THSD7A: variants seen among roughly 807,000 people sequenced by gnomAD.
The protein encoded by THSD7A is thrombospondin type 1 domain containing 7A.
A neutral mutation model predicts 231.3 loss-of-function variants in THSD7A; 96 were observed. The observed-to-expected ratio is 0.41, with a 90% CI of 0.35 to 0.49. The LOEUF (loss-of-function observed/expected upper bound fraction) is 0.49, where lower values mean the gene tolerates loss of function less well. THSD7A is among the 20% of genes least tolerant of loss of function. The pLI is 0.05. For missense variants in THSD7A, 2,290 were observed against 2,070.2 expected (o/e 1.11, Z -2.06); for synonymous variants, 940 against 743.3 (o/e 1.26, Z -4.30).
At chr7:11,744,026 T>C (rs972281242) in intron 1 of THSD7A, among the ~76,000 whole-genome samples, 1 of 151,928 alleles carries the variant, frequency 6.6e-6, no homozygotes, top group Non-Finnish European at 1.5e-5. Flanking sequence ...AGTCTTCTGA[T>C]GCCATATAGC....
At chr7:11,397,910 G>C (rs1018993936) in intron 23 of THSD7A, among the ~76,000 whole-genome samples, 7 of 152,214 alleles carry the variant, frequency 4.6e-5, no homozygotes, top group African/African-American at 1.7e-4. Flanking sequence ...ATGGATGCTA[G>C]AGAGGATGTG....
intron 6 of THSD7A, among the ~76,000 whole-genome samples, chr7:11,516,786 G>C (rs992968567): frequency 6.6e-6 from 1 of 152,042 alleles, no homozygotes; most frequent in African/African-American, 2.4e-5. Flanking sequence ...TTCATAGGAG[G>C]CACCAGGTGT....
chr7:11,694,868 A>G (rs749359288), intron 1 of THSD7A, among the ~76,000 whole-genome samples: 4 of 151,582 alleles, frequency 2.6e-5, no homozygotes, highest in African/African-American at 4.8e-5. Flanking sequence ...TATAATTTGG[A>G]AGACAATTCC....
chr7:11,641,790 C>T (rs1782091613), intron 1 of THSD7A, among the ~76,000 whole-genome samples: 1 of 150,550 alleles, frequency 6.6e-6, no homozygotes, highest in Non-Finnish European at 1.5e-5. Context: ...AATAAATAAA[C>T]CCATCGTCCA....
At chr7:11,790,743 G>A (rs1484246900) in intron 1 of THSD7A, among the ~76,000 whole-genome samples, 1 of 151,930 alleles carries the variant, frequency 6.6e-6, no homozygotes, top group East Asian at 1.9e-4. Context: ...CTATGTAAAT[G>A]CCACACATAA....
chr7:11,505,857 G>A (rs184210227), intron 6 of THSD7A, among the ~76,000 whole-genome samples: 1 of 152,218 alleles, frequency 6.6e-6, no homozygotes, highest in African/African-American at 2.4e-5. Context: ...TAACTATGGG[G>A]CTCATTATCT....
intron 1 of THSD7A, among the ~76,000 whole-genome samples, chr7:11,646,727 C>T (rs1233907571): frequency 1.3e-5 from 2 of 152,006 alleles, no homozygotes; most frequent in African/African-American, 4.8e-5. Context: ...TCACAATTTT[C>T]ACTCTATCTC....
In THSD7A at chr7:11,647,284, T is replaced by C. The variant is rs148361599; in HGVS notation, c.191-10323A>G. Among the ~76,000 whole-genome samples the C allele has an allele frequency of 5.3e-3, 812 of 152,096 alleles. 5 individuals are homozygous for C. The highest frequency in any genetic ancestry group is 0.01 in the Middle Eastern group (3 of 294). ...TCCAATTCAGCAGAGTTTAAGATTGTAGGTATGGACAGCACAAATTCCTGA... is the reference window on the plus strand; with the variant it reads ...TCCAATTCAGCAGAGTTTAAGATTGCAGGTATGGACAGCACAAATTCCTGA... On this transcript the variant is annotated intron_variant, in intron 1 of 27. Coordinates refer to ENST00000423059, the MANE Select transcript of THSD7A (RefSeq NM_015204.3).
chr7:11,558,363 A>G (rs1251638054), intron 4 of THSD7A, among the ~76,000 whole-genome samples: 1 of 152,174 alleles, frequency 6.6e-6, no homozygotes, highest in Non-Finnish European at 1.5e-5. Flanking sequence ...GCCTTTTATT[A>G]TACAACTGGG....
chr7:11,661,014 A>G (rs1252238499), intron 1 of THSD7A, among the ~76,000 whole-genome samples: 6 of 151,440 alleles, frequency 4.0e-5, no homozygotes, highest in African/African-American at 1.5e-4. Context: ...CAATTATTAA[A>G]CTATGGCCAA....
intron 1 of THSD7A, among the ~76,000 whole-genome samples, chr7:11,802,268 T>C (rs532310535): frequency 2.0e-5 from 3 of 152,320 alleles, no homozygotes; most frequent in African/African-American, 7.2e-5. Context: ...GAATTTCATA[T>C]ACATGCATAT....
chr7:11,673,089 G>A (rs1422487841), intron 1 of THSD7A, among the ~76,000 whole-genome samples: 1 of 152,152 alleles, frequency 6.6e-6, no homozygotes, highest in African/African-American at 2.4e-5. Context: ...AGAAAACACA[G>A]AGGATTAATA....
rs111758872 is a variant in THSD7A, at chr7:11,816,646, C to T, written c.190+15111G>A. 5.0e-3 allele frequency among the ~76,000 whole-genome samples: 756 copies of T among 152,134 alleles called. 8 individuals carry two copies. Among genetic ancestry groups the T allele is most frequent in the African/African-American group, 0.017 (717 of 41,500 alleles). ...AGTAATGCAAGGACTTTTATAATAG[C>T]TTTTATGAGTGGGTTATTGAGGAAC... On this transcript the variant is annotated intron_variant, in intron 1 of 27. Transcript: ENST00000423059.
At chr7:11,603,772 G>A (rs567148530) in intron 2 of THSD7A, among the ~76,000 whole-genome samples, 2,286 of 150,082 alleles carry the variant, frequency 0.015, 54 homozygotes, top group African/African-American at 0.052. Flanking sequence ...GTAAACTATC[G>A]CAAGAACAAA....
At chr7:11,674,492 C>G (rs971914180) in intron 1 of THSD7A, among the ~76,000 whole-genome samples, 1 of 152,100 alleles carries the variant, frequency 6.6e-6, no homozygotes, top group South Asian at 2.1e-4. Context: ...TAGAATTCAT[C>G]CTGAATTACA....
intron 1 of THSD7A, among the ~76,000 whole-genome samples, chr7:11,659,320 A>G (rs930811282): frequency 1.1e-4 from 16 of 151,544 alleles, no homozygotes; most frequent in Non-Finnish European, 1.9e-4. Context: ...AATCTTTTCA[A>G]CATGCAAATT....
At chr7:11,674,748 A>G (rs1783566239) in intron 1 of THSD7A, among the ~76,000 whole-genome samples, 1 of 152,170 alleles carries the variant, frequency 6.6e-6, no homozygotes, top group Admixed American at 6.5e-5. Context: ...CAGCTATACA[A>G]AAATCCAGAG....
At chr7:11,512,135 G>A (rs1025876743) in intron 6 of THSD7A, among the ~76,000 whole-genome samples, 2 of 152,168 alleles carry the variant, frequency 1.3e-5, no homozygotes, top group African/African-American at 4.8e-5. Flanking sequence ...GATATGAACA[G>A]ACACTTCTCA....
chr7:11,644,791 G>A (rs1782217751), intron 1 of THSD7A, among the ~76,000 whole-genome samples: 1 of 151,770 alleles, frequency 6.6e-6, no homozygotes, highest in Non-Finnish European at 1.5e-5. Flanking sequence ...TTTGCGTTCT[G>A]GTTTCCTCAT....
Sources: gnomAD v4.1 joint callset for allele counts (sites outside exome capture counted in the v4.1 genomes callset) on GRCh38, gnomAD v4.1.1 for gene constraint, MANE v1.5 for transcripts, NCBI Gene and HGNC (gene_info 2026-07-23, HGNC 2026-07-21) for gene names.